Variants in BMPR1A observed in about 807,000 individuals in gnomAD.
BMPR1A encodes bone morphogenetic protein receptor type-1A.
A neutral mutation model predicts 66.0 loss-of-function variants in BMPR1A; 7 were observed. The observed-to-expected ratio is 0.11, with a 90% confidence interval of 0.06 to 0.20. The LOEUF (loss-of-function observed/expected upper bound fraction) is 0.20. Among genes scored for constraint, BMPR1A ranks in the 10% least tolerant of loss-of-function variants. BMPR1A has a pLI of 1.00. For synonymous variants in BMPR1A, 200 were observed against 229.7 expected, an observed-to-expected ratio of 0.87 and a Z score of 1.17; for missense variants, 408 against 669.1, an observed-to-expected ratio of 0.61 and a Z score of 4.31.
At chr10:86,854,319 G>A (rs1327988126) in intron 2 of BMPR1A, among the ~76,000 whole-genome samples, 2 of 152,116 alleles carry the variant, frequency 1.3e-5, no homozygotes, top group Non-Finnish European at 2.9e-5. Flanking sequence ...AATTTGTGCA[G>A]TTAACGCAAT....
intron 1 of BMPR1A, among the ~76,000 whole-genome samples, chr10:86,789,992 TA>T (rs1370859358): frequency 1.3e-5 from 2 of 148,850 alleles, no homozygotes; most frequent in African/African-American, 4.9e-5. Context: ...CCGTCTCCAC[TA>T]AAAATACAAA....
At chr10:86,800,231 G>A (rs11202190) in intron 1 of BMPR1A, among the ~76,000 whole-genome samples, 2,543 of 152,234 alleles carry the variant, frequency 0.017, 75 homozygotes, top group African/African-American at 0.058. Flanking sequence ...CCCAATTGCA[G>A]CCCTCAGTGG....
chr10:86,765,831 T>C (rs146408688), intron 1 of BMPR1A, among the ~76,000 whole-genome samples: 21 of 152,294 alleles, frequency 1.4e-4, no homozygotes, highest in African/African-American at 4.3e-4. Context: ...GTTGAAAGTA[T>C]AGAGCTAGAA....
intron 1 of BMPR1A, among the ~76,000 whole-genome samples, chr10:86,784,127 A>G (rs1841477986): frequency 6.6e-6 from 1 of 151,154 alleles, no homozygotes; most frequent in Non-Finnish European, 1.5e-5. Flanking sequence ...CCTTTTTCTG[A>G]TTGTACTGTG....
intron 1 of BMPR1A, among the ~76,000 whole-genome samples, chr10:86,771,335 T>C (rs1316314169): frequency 6.6e-6 from 1 of 152,226 alleles, no homozygotes; most frequent in Non-Finnish European, 1.5e-5. Context: ...TATTCACATA[T>C]AAAAGGTAAG....
chr10:86,805,843 G>A (rs573916231), intron 1 of BMPR1A, among the ~76,000 whole-genome samples: 440 of 151,246 alleles, frequency 2.9e-3, no homozygotes, highest in Middle Eastern at 7.0e-3. Context: ...ACATTGAGGC[G>A]GCACTTTGAT....
intron 3 of BMPR1A, among the ~76,000 whole-genome samples, chr10:86,882,586 G>A (rs1223232522): frequency 1.3e-5 from 2 of 150,766 alleles, no homozygotes; most frequent in Non-Finnish European, 2.9e-5. Flanking sequence ...TGGTTTACTT[G>A]TGGGGCTCAA....
At chr10:86,877,487 G>T (rs1014216727) in intron 3 of BMPR1A, among the ~76,000 whole-genome samples, 2 of 152,142 alleles carry the variant, frequency 1.3e-5, no homozygotes, top group African/African-American at 2.4e-5. Context: ...CATTACAGGC[G>T]TGAGCCACTG....
In BMPR1A at chr10:86,926,669, T is replaced by C. The variant is rs1369123416; in HGVS notation, c.*2950T>C. 1 of 183,372 alleles carries C rather than the reference T, an allele frequency of 5.5e-6. No individual in the cohort carries two copies. The highest frequency in any genetic ancestry group is 2.3e-5 in the African/African-American group (1 of 42,596). The allele number at this position is 183,372 out of a possible 1,614,324, so 11.4% of individuals were successfully genotyped here. A position where few individuals can be genotyped will look rare whatever the true frequency, so the allele number is the denominator to read the frequency against. On this transcript the variant is annotated 3_prime_UTR_variant, in exon 13 of 13. Coordinates refer to ENST00000372037, the MANE Select transcript of BMPR1A (RefSeq NM_004329.3). ...GATAGGCCAGCAAGAAGAAGTATTA[T>C]GTAGTACCATAGTTAGTAAATTCGT... is the stretch of plus-strand genomic sequence containing the variant.
chr10:86,866,675 G>C (rs1352165153), intron 2 of BMPR1A, among the ~76,000 whole-genome samples: 2 of 150,776 alleles, frequency 1.3e-5, no homozygotes, highest in Non-Finnish European at 2.9e-5. Context: ...ACTCAGGCAA[G>C]TTTCTTTGCG....
chr10:86,819,106 A>G (rs987715962), intron 1 of BMPR1A, among the ~76,000 whole-genome samples: 24 of 152,158 alleles, frequency 1.6e-4, no homozygotes, highest in African/African-American at 5.6e-4. Flanking sequence ...TGTATCTTAT[A>G]TTCTTATTTC....
At chr10:86,790,176 AAAAAAAAAAAAAAT>A (rs1407013596) in intron 1 of BMPR1A, among the ~76,000 whole-genome samples, 18 of 43,044 alleles carry the variant, frequency 4.2e-4, no homozygotes, top group African/African-American at 1.6e-3. Context: ...AAAAAAAAAA[AAAAAAAAAAAAAAT>A]ATATATATAT....
chr10:86,853,772 G>C (rs1020957920), intron 2 of BMPR1A, among the ~76,000 whole-genome samples: 2 of 152,194 alleles, frequency 1.3e-5, no homozygotes, highest in African/African-American at 4.8e-5. Flanking sequence ...GCAAATAGGT[G>C]TGGGTCACAG....
chr10:86,790,185 A>AAT (rs1841587302), intron 1 of BMPR1A, among the ~76,000 whole-genome samples: 1 of 33,998 alleles, frequency 2.9e-5, no homozygotes, highest in African/African-American at 2.4e-4. Context: ...AAAAAAAAAA[A>AAT]AAAATATATA....
chr10:86,799,515 CTTTTCTTTTCTTTT>C (rs1175811025), intron 1 of BMPR1A, among the ~76,000 whole-genome samples: 8 of 113,146 alleles, frequency 7.1e-5, no homozygotes, highest in Admixed American at 6.0e-4. Flanking sequence ...CCTTTCTTTT[CTTTTCTTTTCTTTT>C]CTTTCTTTTC....
chr10:86,862,957 T>C (rs1016217401), intron 2 of BMPR1A, among the ~76,000 whole-genome samples: 1 of 149,334 alleles, frequency 6.7e-6, no homozygotes, highest in African/African-American at 2.5e-5. Context: ...GTTAAGTCAA[T>C]ATTTATACTA....
intron 1 of BMPR1A, among the ~76,000 whole-genome samples, chr10:86,836,129 C>G (rs1465371156): frequency 6.6e-6 from 1 of 152,104 alleles, no homozygotes; most frequent in Non-Finnish European, 1.5e-5. Context: ...GACTAACACC[C>G]CTGGTGGTTG....
intron 2 of BMPR1A, among the ~76,000 whole-genome samples, chr10:86,842,405 A>G (rs1038705182): frequency 2.0e-5 from 3 of 152,176 alleles, no homozygotes; most frequent in African/African-American, 7.2e-5. Flanking sequence ...AGCGGGGTGG[A>G]GGCAGAGCTT....
intron 3 of BMPR1A, among the ~76,000 whole-genome samples, chr10:86,884,488 A>T (rs1460593953): frequency 7.7e-6 from 1 of 129,874 alleles, no homozygotes; most frequent in Non-Finnish European, 1.5e-5. Context: ...ATCTTGTCTC[A>T]CTACATCCTC....
Sources: gnomAD v4.1 joint callset for allele counts (sites outside exome capture counted in the v4.1 genomes callset) on GRCh38, gnomAD v4.1.1 for gene constraint, MANE v1.5 for transcripts, NCBI Gene and HGNC (gene_info 2026-07-23, HGNC 2026-07-21) for gene names.